The following SYT13 variants were observed in gnomAD, a reference collection of about 807,000 sequenced individuals.
SYT13 encodes the protein synaptotagmin-13.
In SYT13, 21 loss-of-function variants were observed where a neutral mutation model predicts 38.6. The ratio of observed to expected loss-of-function variants is 0.54; its 90% CI spans 0.39 to 0.78. The LOEUF is 0.78. Ranked by LOEUF, SYT13 falls within the 30% of genes least tolerant of loss-of-function variation. SYT13 has a pLI of 0.00. For synonymous variants in SYT13, 241 were observed against 237.6 expected, an observed-to-expected ratio of 1.01 and a Z score of -0.13; for missense variants, 495 against 548.7, an observed-to-expected ratio of 0.90 and a Z score of 0.98.
rs551550014 is a variant in SYT13, at chr11:45,251,314, A to T, written c.846+1107T>A. Among the ~76,000 whole-genome samples the T allele has an allele frequency of 2.8e-5, 4 of 145,002 alleles. No individual in the cohort carries two copies. The East Asian group carries it at 6.2e-4, about 22-fold the overall frequency. On this transcript the variant is annotated intron_variant, in intron 4 of 5. Coordinates refer to ENST00000020926, the MANE Select transcript of SYT13 (RefSeq NM_020826.3). ...TGAGGCACGAGAATCGCTTGAACCC[A>T]GGAGGCAGAGGTTGCAGTGAGCCGA...
chr11:45,255,944 TC>T (rs1854740919), intron 1 of SYT13, 53 bp from the exon 2 acceptor site: 7 of 1,583,878 alleles, frequency 4.4e-6, no homozygotes, highest in Non-Finnish European at 6.1e-6. Context: ...CTTGTCTGTT[TC>T]CCCCCATGGA....
At chr11:45,279,544 G>A (rs116052794) in intron 1 of SYT13, among the ~76,000 whole-genome samples, 2,270 of 152,276 alleles carry the variant, frequency 0.015, 46 homozygotes, top group African/African-American at 0.046. Context: ...CCATGACCAC[G>A]CCACTGCACT....
At position 45,275,827 on chromosome 11, in the gene SYT13, C is replaced by T. The variant is rs116835574; in HGVS notation, c.183+10198G>A. 4.7e-3 allele frequency among the ~76,000 whole-genome samples: 714 copies of T among 152,014 alleles called. 6 individuals carry two copies. The highest frequency in any genetic ancestry group is 0.016 in the African/African-American group (671 of 41,452). ...GGTATTGGGGGGAATTTTAGTGGGA[C>T]CCATGAGGGGCTAAAGCTTGGGGGA... On this transcript the variant is annotated intron_variant, in intron 1 of 5. Transcript: ENST00000020926.
At position 45,275,522 on chromosome 11, in the gene SYT13, C is replaced by T. The variant is rs188553835; in HGVS notation, c.183+10503G>A. ...TTTAAGGGAAAAATTATAATGCATT[C>T]CAAGTCTACCCCAAAACCACAATCA... On this transcript the variant is annotated intron_variant, in intron 1 of 5. Coordinates refer to ENST00000020926, the MANE Select transcript of SYT13 (RefSeq NM_020826.3). 1.6e-4 allele frequency among the ~76,000 whole-genome samples: 25 copies of T among 152,302 alleles called. No individual in the cohort carries two copies. In the South Asian group the frequency reaches 3.9e-3, roughly 24 times the overall value.
chr11:45,242,011 G>A lies in SYT13; in HGVS notation c.*2041C>T, dbSNP rs996491083. On this transcript the variant is annotated 3_prime_UTR_variant, in exon 6 of 6. Transcript: ENST00000020926. ...TTATTTCTAATGCTTTTCTATTTCT[G>A]TACAGAAAGAAAAAATAATGACCAC... 16 of 152,072 alleles carry A rather than the reference G, an allele frequency of 1.1e-4. No homozygotes were observed. Among genetic ancestry groups the A allele is most frequent in the African/African-American group, 3.6e-4 (15 of 41,406 alleles). The allele number at this position is 152,072 out of a possible 1,614,324, so 9.4% of individuals were successfully genotyped here.
chr11:45,282,078 C>T (rs1019172456), intron 1 of SYT13, among the ~76,000 whole-genome samples: 2 of 152,288 alleles, frequency 1.3e-5, no homozygotes, highest in Admixed American at 6.5e-5. Context: ...ACCCATGGGT[C>T]TGGCCGCCGC....
intron 1 of SYT13, among the ~76,000 whole-genome samples, chr11:45,262,558 T>C (rs1233768475): frequency 3.9e-5 from 6 of 152,078 alleles, no homozygotes; most frequent in African/African-American, 7.2e-5. Flanking sequence ...AGACCCCATT[T>C]CTACAAAAAA....
intron 2 of SYT13, 44 bp downstream of exon 2, chr11:45,255,621 AC>A: frequency 6.4e-7 from 1 of 1,573,400 alleles, no homozygotes; most frequent in South Asian, 1.1e-5. Context: ...GACAAGCCCC[AC>A]TGGAGTGCTG....
At chr11:45,245,695 A>G (rs549298937) in intron 5 of SYT13, among the ~76,000 whole-genome samples, 2 of 152,340 alleles carry the variant, frequency 1.3e-5, no homozygotes, top group African/African-American at 4.8e-5. Context: ...GGTCTCCGAG[A>G]TGCTGGACCT....
chr11:45,267,893 T>A (rs1854904749), intron 1 of SYT13, among the ~76,000 whole-genome samples: 1 of 152,158 alleles, frequency 6.6e-6, no homozygotes, highest in Admixed American at 6.5e-5. Flanking sequence ...TACCATCTTT[T>A]GTTATCCCTT....
intron 1 of SYT13, among the ~76,000 whole-genome samples, chr11:45,256,369 A>G (rs1410403271): frequency 1.3e-5 from 2 of 151,810 alleles, no homozygotes; most frequent in East Asian, 3.9e-4. Flanking sequence ...TCCTTTGCTC[A>G]TCTCCAGTCA....
At chr11:45,262,451 C>T (rs527743460) in intron 1 of SYT13, among the ~76,000 whole-genome samples, 9 of 152,140 alleles carry the variant, frequency 5.9e-5, no homozygotes, top group South Asian at 2.1e-4. Flanking sequence ...TGAGGCTGGG[C>T]GCGGTGGCTC....
chr11:45,274,870 C>G (rs967182020), intron 1 of SYT13, among the ~76,000 whole-genome samples: 1 of 152,174 alleles, frequency 6.6e-6, no homozygotes, highest in African/African-American at 2.4e-5. Flanking sequence ...CCAAATAAAA[C>G]ATCTCCCTGG....
chr11:45,272,232 A>C (rs1030844995), intron 1 of SYT13, among the ~76,000 whole-genome samples: 2 of 152,296 alleles, frequency 1.3e-5, no homozygotes, highest in African/African-American at 4.8e-5. Flanking sequence ...ATTAGGAGAA[A>C]TATCTAATAT....
Position 45,255,888 on chromosome 11 carries a change from T to G in SYT13, c.187A>C (p.Asn63His). 6.2e-7 allele frequency: 1 copy of G among 1,614,116 alleles called. No homozygotes were observed. Among genetic ancestry groups the G allele is most frequent in the Non-Finnish European group, 8.5e-7 (1 of 1,180,008 alleles). ...PSLLGSAQQF[N>H]VKKSTEPVQP... ...ACAGGTTCCGTGGACTTTTTAACAT[T>G]GAACTGCAAACACAAATTACTCTGA... The change falls in exon 2 of 6, where the codon AAT becomes CAT. Residue 63 changes from asparagine to histidine, a missense_variant. Asn to His is a moderately conservative substitution (Grantham distance 68). Coordinates refer to ENST00000020926, the MANE Select transcript of SYT13 (RefSeq NM_020826.3).
chr11:45,261,244 C>T (rs188547944), intron 1 of SYT13, among the ~76,000 whole-genome samples: 20 of 152,252 alleles, frequency 1.3e-4, no homozygotes, highest in African/African-American at 3.9e-4. Flanking sequence ...GTGAAGAAAT[C>T]GGAATTCTGT....
chr11:45,280,320 G>A lies in SYT13; in HGVS notation c.183+5705C>T, dbSNP rs115729665. Among the ~76,000 whole-genome samples, 569 of 152,150 alleles carry A rather than the reference G, an allele frequency of 3.7e-3. 10 individuals carry two copies. Among genetic ancestry groups the A allele is most frequent in the African/African-American group, 0.013 (556 of 41,492 alleles). On this transcript the variant is annotated intron_variant, in intron 1 of 5. Coordinates refer to ENST00000020926, the MANE Select transcript of SYT13 (RefSeq NM_020826.3). ...TATGCAGCACACAGGAGGTGGCCAT[G>A]GGAGAAACAGCAGAAAGCAAACAGG...
chr11:45,254,005 G>T (rs1008533391), intron 3 of SYT13: 14 of 311,322 alleles, frequency 4.5e-5, no homozygotes, highest in Admixed American at 3.0e-4. Flanking sequence ...GGAGAGGGGG[G>T]TTATGGAGCC....
Position 45,252,669 on chromosome 11 carries a change from C to T in SYT13, c.598G>A (p.Ala200Thr), listed in dbSNP as rs1590511683. 6.2e-7 allele frequency: 1 copy of T among 1,609,966 alleles called. No individual in the cohort carries two copies. The change falls in exon 4 of 6, where the codon GCC becomes ACC. Residue 200 changes from alanine (A) to threonine (T), a missense_variant. Physicochemically the swap from Ala to Thr is moderately conservative, Grantham distance 58. Coordinates refer to ENST00000020926, the MANE Select transcript of SYT13 (RefSeq NM_020826.3). The surrounding 1 kb of genome is among the most constrained non-coding windows in gnomAD (Gnocchi z 4.3). ...GCCTCCACAGAGCCGGTCCTATTGGCCACACTCCCTTGGACGTAGCAGTCA... is the reference window on the plus strand; with the variant it reads ...GCCTCCACAGAGCCGGTCCTATTGGTCACACTCCCTTGGACGTAGCAGTCA... ...GCDCYVQGSV[A>T]NRTGSVEAQT...
Sources: allele counts gnomAD v4.1 joint callset (sites outside exome capture counted in the v4.1 genomes callset), GRCh38; gene constraint gnomAD v4.1.1; non-coding constraint Gnocchi (gnomAD v3.1); transcripts MANE v1.5; gene names NCBI Gene and HGNC (gene_info 2026-07-23, HGNC 2026-07-21).